The following CTNNA3 variants were observed in gnomAD, a reference collection of about 807,000 sequenced individuals.
CTNNA3 encodes catenin alpha 3, also known as catenin alpha-3.
A neutral mutation model predicts 95.7 loss-of-function variants in CTNNA3; 76 were observed. The ratio of observed to expected loss-of-function variants is 0.79; its 90% CI spans 0.66 to 0.96. CTNNA3 has a LOEUF of 0.96. Among genes scored for constraint, CTNNA3 ranks in the 40% least tolerant of loss-of-function variants. The pLI, the probability that CTNNA3 is intolerant of heterozygous loss-of-function variation, is 0.00. For missense variants in CTNNA3, 1,191 were observed against 1,089.8 expected (o/e 1.09, Z -1.31); for synonymous variants, 431 against 374.4 (o/e 1.15, Z -1.74).
At chr10:67,105,528 G>T (rs943082010) in intron 7 of CTNNA3, among the ~76,000 whole-genome samples, 6 of 152,024 alleles carry the variant, frequency 3.9e-5, no homozygotes, top group African/African-American at 1.2e-4. Flanking sequence ...TACTCCATCT[G>T]TTCTTGCTGT....
At position 67,023,852 on chromosome 10, in the gene CTNNA3, T is replaced by G. The variant is rs1564838519; in HGVS notation, c.1047+156465A>C. ...AGTTTTACAATTTTGCTACAGATTA[T>G]GTAACTTCAGGTAGAATGACACTCA... On this transcript the variant is annotated intron_variant, in intron 7 of 17. Transcript: ENST00000433211. 2.6e-5 allele frequency among the ~76,000 whole-genome samples: 4 copies of G among 152,224 alleles called. No individual in the cohort carries two copies. The South Asian group carries it at 8.3e-4, about 31-fold the overall frequency.
intron 1 of CTNNA3, among the ~76,000 whole-genome samples, chr10:67,670,521 G>T (rs1840410655): frequency 6.6e-6 from 1 of 151,982 alleles, no homozygotes. Flanking sequence ...CACAGAGAAA[G>T]GTAAAATAAT....
chr10:67,183,599 T>C (rs1291370022), intron 6 of CTNNA3, among the ~76,000 whole-genome samples: 1 of 151,456 alleles, frequency 6.6e-6, no homozygotes, highest in African/African-American at 2.4e-5. Flanking sequence ...AAATGACGAG[T>C]TAATGGGTGC....
chr10:66,613,269 A>G (rs1844391426), intron 10 of CTNNA3, among the ~76,000 whole-genome samples: 1 of 152,056 alleles, frequency 6.6e-6, no homozygotes. Context: ...TTCTGCCAGG[A>G]CACACCACCT....
chr10:66,358,699 A>G (rs1423026227), intron 12 of CTNNA3, among the ~76,000 whole-genome samples: 1 of 152,196 alleles, frequency 6.6e-6, no homozygotes, highest in East Asian at 1.9e-4. Context: ...TATCTTTGCA[A>G]TCAAAAGAAG....
At chr10:66,075,509 T>C (rs755742161) in intron 14 of CTNNA3, among the ~76,000 whole-genome samples, 2 of 151,932 alleles carry the variant, frequency 1.3e-5, no homozygotes, top group Middle Eastern at 3.4e-3. Context: ...AAATAATGTA[T>C]ATAAATGTAT....
intron 3 of CTNNA3, among the ~76,000 whole-genome samples, chr10:67,545,091 T>C (rs1589409837): frequency 6.6e-6 from 1 of 152,176 alleles, no homozygotes; most frequent in Non-Finnish European, 1.5e-5. Context: ...ATTATTATAC[T>C]TTAAGTTCTA....
At chr10:66,064,578 T>A (rs1489846427) in intron 15 of CTNNA3, among the ~76,000 whole-genome samples, 2 of 152,196 alleles carry the variant, frequency 1.3e-5, no homozygotes, top group Admixed American at 1.3e-4. Flanking sequence ...GCATTCACCG[T>A]TGATGCTCCA....
rs149927359 is a variant in CTNNA3 at position 66,695,982 on chromosome 10, C to G, written c.1281+70282G>C. Among the ~76,000 whole-genome samples the G allele has an allele frequency of 1.5e-3, 233 of 150,432 alleles. 2 individuals are homozygous for G. The highest frequency in any genetic ancestry group is 5.5e-3 in the African/African-American group (226 of 40,910). On this transcript the variant is annotated intron_variant, in intron 9 of 17. Coordinates refer to ENST00000433211, the MANE Select transcript of CTNNA3 (RefSeq NM_013266.4). ...CAGGTATCCATATTCCAAAATAGAA[C>G]AGCATCTTTGCCAGAAGTTCAAGTC...
rs535228678 is a variant in CTNNA3, at chr10:66,448,614, G to T, written c.1532-69262C>A. Among the ~76,000 whole-genome samples the T allele has an allele frequency of 5.5e-3, 836 of 151,906 alleles. 6 individuals are homozygous for T. Among genetic ancestry groups the T allele is most frequent in the Non-Finnish European group, 7.8e-3 (529 of 67,980 alleles). ...ACACTGCATGTTCTCACTCATAGGTGGGAATTGAACAATGAGAACACACGG... is the reference window on the plus strand; with the variant it reads ...ACACTGCATGTTCTCACTCATAGGTTGGAATTGAACAATGAGAACACACGG... On this transcript the variant is annotated intron_variant, in intron 11 of 17. Transcript: ENST00000433211.
chr10:66,332,504 G>A (rs968008260), intron 12 of CTNNA3, among the ~76,000 whole-genome samples: 3 of 151,858 alleles, frequency 2.0e-5, no homozygotes, highest in Admixed American at 6.6e-5. Context: ...TTTGTCATTG[G>A]TTCTGTTTAT....
chr10:66,945,275 G>C, intron 7 of CTNNA3, among the ~76,000 whole-genome samples: 1 of 152,208 alleles, frequency 6.6e-6, no homozygotes, highest in East Asian at 1.9e-4. Flanking sequence ...TGAATAACTT[G>C]TTGCAGCTTT....
chr10:67,675,016 G>C (rs569153716), intron 1 of CTNNA3, among the ~76,000 whole-genome samples: 6 of 152,070 alleles, frequency 3.9e-5, no homozygotes, highest in African/African-American at 1.4e-4. Context: ...AATTTAATGA[G>C]TAGATAAAGT....
rs114821827 is a variant in CTNNA3 at position 66,230,124 on chromosome 10, C to T, written c.1884+50346G>A. On this transcript the variant is annotated intron_variant, in intron 13 of 17. Transcript: ENST00000433211. ...TCTTTGCTAAATGTCTCTTTCAGAT[C>T]ATAAGCTATTATTTTTTCTTGGATT... Among the ~76,000 whole-genome samples the T allele has an allele frequency of 8.6e-3, 1,302 of 152,198 alleles. 21 individuals are homozygous for T. Among genetic ancestry groups the T allele is most frequent in the African/African-American group, 0.03 (1,240 of 41,542 alleles).
chr10:65,984,987 TA>T (rs909774431), intron 16 of CTNNA3, among the ~76,000 whole-genome samples: 158 of 150,636 alleles, frequency 1.0e-3, no homozygotes, highest in African/African-American at 3.5e-3. Context: ...TACTAAATAC[TA>T]AAAAAAAGGA....
At chr10:66,517,806 G>A (rs1178900890) in intron 11 of CTNNA3, among the ~76,000 whole-genome samples, 2 of 152,012 alleles carry the variant, frequency 1.3e-5, no homozygotes, top group African/African-American at 4.8e-5. Context: ...CCCCTTTCCT[G>A]TAACAGAAAT....
In CTNNA3 at chr10:67,305,014, T is replaced by C. The variant is rs147109514; in HGVS notation, c.580-85144A>G. ...GTATTAGGCTGGGTGCGGTGGCTCA[T>C]GCCTGTAATCCCAGCACTTTGGGAG... On this transcript the variant is annotated intron_variant, in intron 5 of 17. Transcript: ENST00000433211. Among the ~76,000 whole-genome samples, 445 of 152,220 alleles carry C rather than the reference T, an allele frequency of 2.9e-3. 3 individuals are homozygous for C. In the East Asian group the frequency reaches 0.03, roughly 10 times the overall value.
intron 7 of CTNNA3, among the ~76,000 whole-genome samples, chr10:66,947,582 C>T (rs1848339496): frequency 6.6e-6 from 1 of 152,152 alleles, no homozygotes; most frequent in Non-Finnish European, 1.5e-5. Context: ...CAGAGACAAA[C>T]ACTAATAAAT....
chr10:66,345,264 C>T (rs1465366793), intron 12 of CTNNA3, among the ~76,000 whole-genome samples: 1 of 151,966 alleles, frequency 6.6e-6, no homozygotes, highest in Non-Finnish European at 1.5e-5. Flanking sequence ...CAAATTTGGC[C>T]CACTGCAGTG....
Sources: allele counts gnomAD v4.1 joint callset (sites outside exome capture counted in the v4.1 genomes callset), GRCh38; gene constraint gnomAD v4.1.1; transcripts MANE v1.5; gene names NCBI Gene and HGNC (gene_info 2026-07-23, HGNC 2026-07-21).